GBE1: variants seen among roughly 807,000 people sequenced by gnomAD.
GBE1 encodes 1,4-alpha-glucan branching enzyme 1.
In GBE1, 70 loss-of-function variants were observed where a neutral mutation model predicts 88.8. That is an observed-to-expected ratio of 0.79 (90% confidence interval 0.65 to 0.96). The LOEUF (loss-of-function observed/expected upper bound fraction) is 0.96, where lower values mean the gene tolerates loss of function less well. Ranked by LOEUF, GBE1 falls within the 40% of genes least tolerant of loss-of-function variation. The pLI, the probability that GBE1 is intolerant of heterozygous loss-of-function variation, is 0.00. For missense variants in GBE1, 872 were observed against 871.0 expected (o/e 1.00, Z -0.01); for synonymous variants, 284 against 300.1 (o/e 0.95, Z 0.56).
intron 12 of GBE1, among the ~76,000 whole-genome samples, chr3:81,544,600 C>T (rs1462440368): frequency 6.6e-6 from 1 of 152,076 alleles, no homozygotes; most frequent in African/African-American, 2.4e-5. Flanking sequence ...ATCACGGAAG[C>T]CCGTAACTAA....
chr3:81,653,644 C>G (rs2107082345), intron 3 of GBE1, among the ~76,000 whole-genome samples: 1 of 152,212 alleles, frequency 6.6e-6, no homozygotes, highest in Admixed American at 6.5e-5. Flanking sequence ...CACAGAGTGA[C>G]TGAATAATGT....
intron 3 of GBE1, among the ~76,000 whole-genome samples, chr3:81,651,754 G>A (rs753923269): frequency 8.6e-5 from 13 of 152,004 alleles, no homozygotes; most frequent in African/African-American, 2.2e-4. Flanking sequence ...TTTTGTAAAC[G>A]GCTCTATAAT....
intron 7 of GBE1, among the ~76,000 whole-genome samples, chr3:81,638,590 T>C (rs1216037698): frequency 6.6e-6 from 1 of 152,142 alleles, no homozygotes; most frequent in African/African-American, 2.4e-5. Flanking sequence ...GTCAGAAAGT[T>C]CTCTTTACCA....
At chr3:81,702,434 T>A (rs947823421) in intron 2 of GBE1, among the ~76,000 whole-genome samples, 1 of 151,972 alleles carries the variant, frequency 6.6e-6, no homozygotes, top group Non-Finnish European at 1.5e-5. Flanking sequence ...AAAAAAGACA[T>A]CCTTTCTTCT....
chr3:81,751,016 A>T (rs145401906), intron 1 of GBE1, among the ~76,000 whole-genome samples: 147 of 152,148 alleles, frequency 9.7e-4, no homozygotes, highest in African/African-American at 3.0e-3. Context: ...TGAAATTAAA[A>T]AAAGAAGATA....
intron 12 of GBE1, among the ~76,000 whole-genome samples, chr3:81,563,532 G>C (rs911083184): frequency 6.6e-6 from 1 of 152,034 alleles, no homozygotes; most frequent in Non-Finnish European, 1.5e-5. Flanking sequence ...CAGACTCAAG[G>C]CTAGAATTAA....
chr3:81,571,138 A>G (rs896925007), intron 12 of GBE1, among the ~76,000 whole-genome samples: 2 of 152,170 alleles, frequency 1.3e-5, no homozygotes, highest in African/African-American at 4.8e-5. Flanking sequence ...GAATTCCAGG[A>G]GTCTGACTTC....
intron 1 of GBE1, among the ~76,000 whole-genome samples, chr3:81,742,696 G>A (rs1388201012): frequency 6.6e-6 from 1 of 152,100 alleles, no homozygotes; most frequent in East Asian, 1.9e-4. Flanking sequence ...TTTTTAAATA[G>A]GAGAATGTTC....
chr3:81,503,554 T>C (rs1702616917), intron 14 of GBE1, among the ~76,000 whole-genome samples: 1 of 151,972 alleles, frequency 6.6e-6, no homozygotes, highest in Non-Finnish European at 1.5e-5. Flanking sequence ...TCTCTGACTG[T>C]GGGAAAGGAG....
intron 7 of GBE1, among the ~76,000 whole-genome samples, chr3:81,620,746 A>AGGAAC (rs1291605957): frequency 6.6e-6 from 1 of 152,180 alleles, no homozygotes; most frequent in East Asian, 1.9e-4. Flanking sequence ...TAAATAAAAA[A>AGGAAC]GGAACGTCCT....
At chr3:81,627,668 T>C (rs1337036333) in intron 7 of GBE1, among the ~76,000 whole-genome samples, 1 of 151,814 alleles carries the variant, frequency 6.6e-6, no homozygotes, top group Admixed American at 6.6e-5. Flanking sequence ...AATTTTAGAA[T>C]AAACCATGGC....
intron 2 of GBE1, among the ~76,000 whole-genome samples, chr3:81,675,558 T>C (rs1389993673): frequency 1.3e-5 from 2 of 152,052 alleles, no homozygotes; most frequent in Admixed American, 6.6e-5. Context: ...CACCGAAACA[T>C]TGCTTGGTTA....
chr3:81,663,241 G>A lies in GBE1; in HGVS notation c.429+7597C>T, dbSNP rs569367763. ...GCATTTTCCAATACCACCCTGGCCC[G>A]CCAGGAACCATCATGGGCCTATAAA... is the stretch of plus-strand genomic sequence containing the variant. On this transcript the variant is annotated intron_variant, in intron 3 of 15. Transcript: ENST00000429644. 2.0e-4 allele frequency among the ~76,000 whole-genome samples: 31 copies of A among 152,230 alleles called. No homozygotes were observed. The East Asian group carries it at 5.0e-3, about 25-fold the overall frequency.
At chr3:81,615,567 T>C (rs1176307643) in intron 7 of GBE1, among the ~76,000 whole-genome samples, 2 of 152,244 alleles carry the variant, frequency 1.3e-5, no homozygotes, top group African/African-American at 4.8e-5. Flanking sequence ...CTTTTGCTAC[T>C]CCACATAATC....
intron 7 of GBE1, among the ~76,000 whole-genome samples, chr3:81,625,099 GA>G (rs1278343845): frequency 1.3e-5 from 2 of 149,246 alleles, no homozygotes; most frequent in African/African-American, 2.5e-5. Context: ...GAGGGAGGGG[GA>G]GGGGGAGGGG....
chr3:81,508,035 C>T (rs935902581), intron 14 of GBE1, among the ~76,000 whole-genome samples: 5 of 152,134 alleles, frequency 3.3e-5, no homozygotes, highest in African/African-American at 1.2e-4. Flanking sequence ...ATGTCACTAT[C>T]TACCAGGTTA....
intron 1 of GBE1, among the ~76,000 whole-genome samples, chr3:81,709,847 C>T (rs939271837): frequency 2.0e-5 from 3 of 152,140 alleles, no homozygotes; most frequent in Admixed American, 6.5e-5. Flanking sequence ...GCTCATCATG[C>T]CTGTGCCCTC....
chr3:81,655,823 T>C (rs1008874712), intron 3 of GBE1, among the ~76,000 whole-genome samples: 1 of 152,100 alleles, frequency 6.6e-6, no homozygotes, highest in Non-Finnish European at 1.5e-5. Context: ...CCCAGCCAAA[T>C]GTGTGTTTTT....
chr3:81,649,689 G>T, intron 4 of GBE1, 107 bp downstream of exon 4: 2 of 822,078 alleles, frequency 2.4e-6, no homozygotes, highest in Non-Finnish European at 3.7e-6. Context: ...ATACGCAACT[G>T]TCAGTGAAGA....
Sources: allele counts gnomAD v4.1 joint callset (sites outside exome capture counted in the v4.1 genomes callset), GRCh38; gene constraint gnomAD v4.1.1; transcripts MANE v1.5; gene names NCBI Gene and HGNC (gene_info 2026-07-23, HGNC 2026-07-21).